KCTD16: variants seen among roughly 807,000 people sequenced by gnomAD.
KCTD16 encodes potassium channel tetramerization domain containing 16.
In KCTD16, 13 loss-of-function variants were observed where a neutral mutation model predicts 33.2. The observed-to-expected ratio is 0.39, with a 90% CI of 0.25 to 0.62. KCTD16 has a LOEUF of 0.62. KCTD16 is among the 20% of genes least tolerant of loss of function. The pLI is 0.50. For missense variants in KCTD16, 441 were observed against 525.1 expected (o/e 0.84, Z 1.57); for synonymous variants, 197 against 195.3 (o/e 1.01, Z -0.07).
chr5:144,455,199 T>G (rs1341960196), intron 3 of KCTD16, among the ~76,000 whole-genome samples: 2 of 151,884 alleles, frequency 1.3e-5, no homozygotes, highest in Admixed American at 1.3e-4. Flanking sequence ...CCCCTAACTT[T>G]AGAGCAAATG....
intron 3 of KCTD16, among the ~76,000 whole-genome samples, chr5:144,228,886 A>G (rs1490549628): frequency 2.0e-5 from 3 of 152,224 alleles, no homozygotes; most frequent in Non-Finnish European, 2.9e-5. Flanking sequence ...AATATAGTAC[A>G]TGTAGTAATA....
chr5:144,398,467 A>C (rs1215866079), intron 3 of KCTD16, among the ~76,000 whole-genome samples: 1 of 152,220 alleles, frequency 6.6e-6, no homozygotes, highest in Non-Finnish European at 1.5e-5. Context: ...TTACATAGTT[A>C]GAGTACAGGC....
chr5:144,467,559 T>G (rs1039761221), intron 3 of KCTD16, among the ~76,000 whole-genome samples: 2 of 152,108 alleles, frequency 1.3e-5, no homozygotes, highest in Non-Finnish European at 2.9e-5. Flanking sequence ...TGTTTACACA[T>G]TATGGTGCCG....
At chr5:144,382,179 C>T (rs1752231080) in intron 3 of KCTD16, among the ~76,000 whole-genome samples, 1 of 152,010 alleles carries the variant, frequency 6.6e-6, no homozygotes, top group Non-Finnish European at 1.5e-5. Context: ...CTCACTTATA[C>T]GTGGGAGTTA....
chr5:144,271,327 T>C (rs559883426), intron 3 of KCTD16, among the ~76,000 whole-genome samples: 83 of 152,170 alleles, frequency 5.5e-4, no homozygotes, highest in South Asian at 1.5e-3. Context: ...TGATTTATTT[T>C]TGGAATTCAA....
At chr5:144,392,076 A>C (rs1477712678) in intron 3 of KCTD16, among the ~76,000 whole-genome samples, 1 of 152,236 alleles carries the variant, frequency 6.6e-6, no homozygotes, top group East Asian at 1.9e-4. Flanking sequence ...GTATGTTTTA[A>C]TAGTTATATT....
At chr5:144,232,927 G>A (rs1421779773) in intron 3 of KCTD16, among the ~76,000 whole-genome samples, 1 of 152,124 alleles carries the variant, frequency 6.6e-6, no homozygotes, top group Non-Finnish European at 1.5e-5. Context: ...AACAGCACAT[G>A]TGGCTAATGG....
In KCTD16 at chr5:144,473,953, T is replaced by C; in HGVS notation, c.1126T>C (p.Ser376Pro). The C allele has an allele frequency of 1.9e-6, 3 of 1,613,842 alleles. No homozygotes were observed. The highest frequency in any genetic ancestry group is 2.5e-6 in the Non-Finnish European group (3 of 1,179,984). The stretch of plus-strand genomic sequence containing the variant: ...GACTCTGACTTCAGGCTCCAGGGAA[T>C]CGAACATGAGCAGCAAAAAAAAAGC... ...LRTLTSGSRE[S>P]NMSSKKKAVK... is the part of the protein sequence containing the mutation. Residue 376 changes from serine (S) to proline (P), a missense_variant, in exon 4 of 4, where the codon TCG becomes CCG. Coordinates refer to ENST00000512467, the MANE Select transcript of KCTD16 (RefSeq NM_020768.4).
At chr5:144,324,651 A>C (rs1752156135) in intron 3 of KCTD16, among the ~76,000 whole-genome samples, 1 of 152,250 alleles carries the variant, frequency 6.6e-6, no homozygotes, top group African/African-American at 2.4e-5. Context: ...CACTATTCAC[A>C]ATAGCAAAGG....
At chr5:144,466,798 T>G (rs1013933640) in intron 3 of KCTD16, among the ~76,000 whole-genome samples, 3 of 151,382 alleles carry the variant, frequency 2.0e-5, no homozygotes, top group Non-Finnish European at 2.9e-5. Context: ...CTAATGAGAT[T>G]ATTACAAATT....
chr5:144,304,313 TAGC>T lies in KCTD16; in HGVS notation c.832+96772_832+96774del, dbSNP rs372960675. ...AGTGCAGCATGAAGCACATGTGACA[TAGC>T]AGCAATAAGTCATCTTTCTGCTGCA... On this transcript the variant is annotated intron_variant, in intron 3 of 3. Transcript: ENST00000512467. Among the ~76,000 whole-genome samples, 666 of 152,308 alleles carry T rather than the reference TAGC, an allele frequency of 4.4e-3. 6 individuals are homozygous for T. Among genetic ancestry groups the T allele is most frequent in the African/African-American group, 0.015 (637 of 41,554 alleles).
intron 3 of KCTD16, among the ~76,000 whole-genome samples, chr5:144,333,466 T>C (rs990862089): frequency 6.6e-6 from 1 of 152,092 alleles, no homozygotes; most frequent in African/African-American, 2.4e-5. Flanking sequence ...TAATAAGCCT[T>C]TATGTAGCCT....
At chr5:144,459,253 A>T (rs1410292008) in intron 3 of KCTD16, among the ~76,000 whole-genome samples, 3 of 151,934 alleles carry the variant, frequency 2.0e-5, no homozygotes, top group Non-Finnish European at 2.9e-5. Flanking sequence ...CTCCATCCTC[A>T]CTCCTAGAAG....
chr5:144,362,186 A>G, intron 3 of KCTD16, among the ~76,000 whole-genome samples: 1 of 152,140 alleles, frequency 6.6e-6, no homozygotes, highest in East Asian at 1.9e-4. Flanking sequence ...TACAGAAATG[A>G]GAATTACCCT....
intron 3 of KCTD16, among the ~76,000 whole-genome samples, chr5:144,243,090 A>G (rs892763558): frequency 2.0e-5 from 3 of 152,126 alleles, no homozygotes; most frequent in Non-Finnish European, 4.4e-5. Flanking sequence ...ATGTTTTCTC[A>G]TAATTAGACT....
At chr5:144,398,799 A>AT (rs1390707305) in intron 3 of KCTD16, among the ~76,000 whole-genome samples, 2 of 151,914 alleles carry the variant, frequency 1.3e-5, no homozygotes, top group African/African-American at 2.4e-5. Flanking sequence ...TATTTATAAT[A>AT]TTTTTTCTGA....
At chr5:144,338,641 G>T (rs568790480) in intron 3 of KCTD16, among the ~76,000 whole-genome samples, 1 of 152,296 alleles carries the variant, frequency 6.6e-6, no homozygotes, top group Admixed American at 6.5e-5. Flanking sequence ...ACAAATTTAA[G>T]GGTTAGTGAG....
At chr5:144,291,554 A>G (rs2126862540) in intron 3 of KCTD16, among the ~76,000 whole-genome samples, 1 of 152,268 alleles carries the variant, frequency 6.6e-6, no homozygotes, top group Middle Eastern at 3.4e-3. Flanking sequence ...ATTGTCCTTT[A>G]TATATGGTAA....
At chr5:144,275,780 A>G (rs1755422753) in intron 3 of KCTD16, among the ~76,000 whole-genome samples, 1 of 152,190 alleles carries the variant, frequency 6.6e-6, no homozygotes, top group Non-Finnish European at 1.5e-5. Flanking sequence ...CTGCTCAAAA[A>G]ACTTGAAAAT....
Sources: allele counts gnomAD v4.1 joint callset (sites outside exome capture counted in the v4.1 genomes callset), GRCh38; gene constraint gnomAD v4.1.1; transcripts MANE v1.5; gene names NCBI Gene and HGNC (gene_info 2026-07-23, HGNC 2026-07-21).